COL26A1: variants seen among roughly 807,000 people sequenced by gnomAD.
COL26A1 encodes the protein collagen alpha-1(XXVI) chain.
In COL26A1, 41 loss-of-function variants were observed where a neutral mutation model predicts 59.3. The ratio of observed to expected loss-of-function variants is 0.69; its 90% CI spans 0.54 to 0.90. COL26A1 has a LOEUF of 0.90. Ranked by LOEUF, COL26A1 falls within the 40% of genes least tolerant of loss-of-function variation. The probability of loss-of-function intolerance (pLI) is 0.00; values close to 1 mark genes in which losing one functional copy is unlikely to be tolerated. For synonymous variants in COL26A1, 266 were observed against 256.0 expected (o/e 1.04, Z -0.37); for missense variants, 612 against 602.3 (o/e 1.02, Z -0.17).
At chr7:101,534,128 C>T (rs114513603) in intron 4 of COL26A1, among the ~76,000 whole-genome samples, 5 of 152,186 alleles carry the variant, frequency 3.3e-5, no homozygotes, top group African/African-American at 1.2e-4. Flanking sequence ...CCTCTTGGGA[C>T]AGCAGGGTTG....
Position 101,465,643 on chromosome 7 carries a change from G to A in COL26A1, c.385+17856G>A, listed in dbSNP as rs564071734. The stretch of plus-strand genomic sequence containing the variant: ...CAGGGGGCAGAGGTTGAAGTGAGCC[G>A]AGATCATGCCATTGCACTCCAGCCT... On this transcript the variant is annotated intron_variant, in intron 3 of 12. Coordinates refer to ENST00000313669, the MANE Select transcript of COL26A1 (RefSeq NM_001278563.3). Among the ~76,000 whole-genome samples the A allele has an allele frequency of 3.1e-3, 457 of 145,736 alleles. 3 individuals carry two copies. The highest frequency in any genetic ancestry group is 0.011 in the African/African-American group (411 of 38,830).
intron 1 of COL26A1, among the ~76,000 whole-genome samples, chr7:101,364,238 A>G (rs1790986975): frequency 1.0e-5 from 1 of 96,998 alleles, no homozygotes; most frequent in African/African-American, 6.8e-5. Context: ...ACTCGCTTGA[A>G]TTTAGCTTTT....
intron 2 of COL26A1, among the ~76,000 whole-genome samples, chr7:101,437,406 C>T (rs541460091): frequency 1.0e-3 from 126 of 125,076 alleles, no homozygotes; most frequent in African/African-American, 3.8e-3. Flanking sequence ...GGCGGAGTTC[C>T]GAATGGGGGC....
intron 3 of COL26A1, among the ~76,000 whole-genome samples, chr7:101,486,847 T>G (rs1166230526): frequency 6.6e-6 from 1 of 152,234 alleles, no homozygotes; most frequent in Admixed American, 6.5e-5. Context: ...GAATTTATGT[T>G]CCTTTGGAAT....
intron 1 of COL26A1, among the ~76,000 whole-genome samples, chr7:101,376,071 T>A (rs1279782053): frequency 1.5e-5 from 2 of 136,366 alleles, no homozygotes; most frequent in African/African-American, 5.7e-5. Context: ...GAGGCTGAGG[T>A]GGGAGGATCA....
chr7:101,551,224 GGTTGGT>G, intron 10 of COL26A1, 81 bp downstream of exon 10: 3 of 957,688 alleles, frequency 3.1e-6, no homozygotes, highest in Non-Finnish European at 4.7e-6. Flanking sequence ...GGGTGGCGGG[GGTTGGT>G]GGGGGGGTTC....
intron 1 of COL26A1, among the ~76,000 whole-genome samples, chr7:101,416,159 C>T (rs932848496): frequency 3.5e-5 from 5 of 142,818 alleles, no homozygotes; most frequent in African/African-American, 9.9e-5. Flanking sequence ...TTTGGGAAGC[C>T]GAGGTGGGAC....
chr7:101,435,456 G>A (rs543023082), intron 2 of COL26A1, among the ~76,000 whole-genome samples: 32 of 152,138 alleles, frequency 2.1e-4, no homozygotes, highest in African/African-American at 7.0e-4. Context: ...TGCCAGGGTC[G>A]GGGACTCAAA....
chr7:101,497,043 GC>G (rs1794605761), intron 3 of COL26A1, among the ~76,000 whole-genome samples: 1 of 152,102 alleles, frequency 6.6e-6, no homozygotes, highest in Non-Finnish European at 1.5e-5. Flanking sequence ...TTCGAGACCA[GC>G]CTGGCCAACA....
chr7:101,504,210 CCT>C (rs1354938739), intron 3 of COL26A1, among the ~76,000 whole-genome samples: 2 of 152,174 alleles, frequency 1.3e-5, no homozygotes, highest in African/African-American at 2.4e-5. Context: ...AAGCGACTCT[CCT>C]GTCTCAGCCT....
At chr7:101,490,702 A>G (rs1008292474) in intron 3 of COL26A1, among the ~76,000 whole-genome samples, 2 of 150,162 alleles carry the variant, frequency 1.3e-5, no homozygotes, top group African/African-American at 2.5e-5. Flanking sequence ...CTCTATCTCA[A>G]AAAAAAAGGT....
chr7:101,471,511 T>C (rs1295164774), intron 3 of COL26A1, among the ~76,000 whole-genome samples: 1 of 151,720 alleles, frequency 6.6e-6, no homozygotes, highest in Non-Finnish European at 1.5e-5. Flanking sequence ...TCAAATACAA[T>C]GCTTGCTTAA....
intron 3 of COL26A1, among the ~76,000 whole-genome samples, chr7:101,515,059 A>G (rs964069293): frequency 5.3e-5 from 8 of 152,190 alleles, no homozygotes; most frequent in Non-Finnish European, 1.2e-4. Flanking sequence ...GGATAAGACC[A>G]GTGTGGACGC....
Position 101,518,403 on chromosome 7 carries a change from C to T in COL26A1, c.386-14679C>T, listed in dbSNP as rs548009284. ...AGGCTGCCAGCTTTGTTTCATGACC[C>T]TTTGAACCTTGACCTTGGGCTTGGA... On this transcript the variant is annotated intron_variant, in intron 3 of 12. Transcript: ENST00000313669. Among the ~76,000 whole-genome samples the T allele has an allele frequency of 2.0e-5, 3 of 152,278 alleles. No individual in the cohort carries two copies. In the South Asian group the frequency reaches 6.2e-4, roughly 32 times the overall value.
intron 1 of COL26A1, among the ~76,000 whole-genome samples, chr7:101,363,641 GA>G (rs1351383232): frequency 6.6e-6 from 1 of 150,702 alleles, no homozygotes; most frequent in Non-Finnish European, 1.5e-5. Context: ...TGCGGGGGCT[GA>G]AGGTTCGGGT....
intron 1 of COL26A1, among the ~76,000 whole-genome samples, chr7:101,408,953 C>G (rs768477604): frequency 6.6e-6 from 1 of 152,218 alleles, no homozygotes; most frequent in Non-Finnish European, 1.5e-5. Context: ...GTGCCAAGAC[C>G]CAGATCGTCT....
intron 1 of COL26A1, among the ~76,000 whole-genome samples, chr7:101,418,663 G>A (rs950693221): frequency 3.3e-5 from 5 of 151,578 alleles, no homozygotes; most frequent in African/African-American, 7.3e-5. Flanking sequence ...ATGGGGTCTC[G>A]CTATGTTGCC....
At chr7:101,389,812 C>T (rs1361528714) in intron 1 of COL26A1, among the ~76,000 whole-genome samples, 2 of 152,050 alleles carry the variant, frequency 1.3e-5, no homozygotes, top group African/African-American at 4.8e-5. Context: ...CTCGGCCTCC[C>T]AAAGTGCTGG....
chr7:101,527,124 C>T (rs2130625478), intron 3 of COL26A1, among the ~76,000 whole-genome samples: 1 of 152,054 alleles, frequency 6.6e-6, no homozygotes, highest in African/African-American at 2.4e-5. Context: ...GCACACGCCA[C>T]CATATCTAGC....
Sources: allele counts gnomAD v4.1 joint callset (sites outside exome capture counted in the v4.1 genomes callset), GRCh38; gene constraint gnomAD v4.1.1; transcripts MANE v1.5; gene names NCBI Gene and HGNC (gene_info 2026-07-23, HGNC 2026-07-21).